TTN: variants seen among roughly 807,000 people sequenced by gnomAD.
The protein encoded by TTN is connectin.
TTN carries 1,525 observed loss-of-function variants against 3,223.0 expected under a neutral mutation model. The ratio of observed to expected loss-of-function variants is 0.47; its 90% CI spans 0.45 to 0.49. TTN has a LOEUF of 0.49. Ranked by LOEUF, TTN falls within the 20% of genes least tolerant of loss-of-function variation. The pLI, the probability that TTN is intolerant of heterozygous loss-of-function variation, is 0.00. For missense variants in TTN, 40,786 were observed against 43,424.0 expected (o/e 0.94, Z 5.40); for synonymous variants, 14,094 against 15,161.0 (o/e 0.93, Z 5.17).
Position 178,562,051 on chromosome 2 carries a change from C to A in TTN, c.84081G>T (p.Lys28027Asn). ...VTSLSIKEAS[K>N]EDVGTYELCV... ...ATAATTCATAAGTTCCAACATCTTC[C>A]TTTGAAGCTTCCTTAATAGATAGTG... The change falls in exon 326 of 363, where the codon AAG becomes AAT. Residue 28027 changes from lysine to asparagine, a missense_variant. By Grantham distance (94) the Lys-to-Asn change is moderately conservative. Coordinates refer to ENST00000589042, the MANE Select transcript of TTN (RefSeq NM_001267550.2). The A allele has an allele frequency of 6.2e-7, 1 of 1,613,340 alleles. No individual in the cohort carries two copies. Among genetic ancestry groups the A allele is most frequent in the Non-Finnish European group, 8.5e-7 (1 of 1,179,642 alleles).
chr2:178,771,059 TG>T, intron 34 of TTN, 151 bp downstream of exon 34: 1 of 1,257,920 alleles, frequency 7.9e-7, no homozygotes, highest in Non-Finnish European at 1.1e-6. Flanking sequence ...TTGTACCTTG[TG>T]GAATGTGTCT....
chr2:178,699,129 A>G (rs953605620), intron 111 of TTN, among the ~76,000 whole-genome samples: 1 of 151,968 alleles, frequency 6.6e-6, no homozygotes. Flanking sequence ...ATGTACTGTG[A>G]TCTTACATCT....
chr2:178,776,604 T>C lies in TTN; in HGVS notation c.5260A>G (p.Ile1754Val), dbSNP rs780379544. 3 of 1,614,084 alleles carry C rather than the reference T, an allele frequency of 1.9e-6. No homozygotes were observed. Among genetic ancestry groups the C allele is most frequent in the Non-Finnish European group, 2.5e-6 (3 of 1,180,012 alleles). The change falls in exon 28 of 363, where the codon ATC becomes GTC. Residue 1754 changes from isoleucine to valine, a missense_variant. Coordinates refer to ENST00000589042, the MANE Select transcript of TTN (RefSeq NM_001267550.2). ...AGGCTGCAGTACCCAAATTCATTGA[T>C]CATACGGAGCCTGTTGGCTGCTTCA... Reference protein sequence around the residue: ...PLEAANRLRMINEFGYCSLDY... With the variant: ...PLEAANRLRMVNEFGYCSLDY...
At chr2:178,750,628 CTTCTG>C in intron 47 of TTN, 4 of 1,612,742 alleles carry the variant, frequency 2.5e-6, no homozygotes, top group Non-Finnish European at 2.5e-6. Context: ...TGTTTTCTTC[CTTCTG>C]TTCGGTTTTG....
rs188482293 is a variant in TTN, at chr2:178,682,745, C to T, written c.33046G>A (p.Glu11016Lys). The change falls in exon 135 of 363, where the codon GAG becomes AAG. Residue 11016 changes from glutamate (E) to lysine (K), a missense_variant. Transcript: ENST00000589042. ...TCATATCGTTCATACTCCCGCTCCT[C>T]GTATTCTTCATATTGGTCATATTCT... ...TEEYDQYEEYEEREYERYEEH... is the reference protein window; with the variant it reads ...TEEYDQYEEYKEREYERYEEH... 17 of 1,612,966 alleles carry T rather than the reference C, an allele frequency of 1.1e-5. No individual in the cohort carries two copies. The highest frequency in any genetic ancestry group is 6.7e-5 in the Admixed American group (4 of 59,974).
In TTN at chr2:178,807,279, T is replaced by C. The variant is rs1350423101; in HGVS notation, c.-81A>G. 6.6e-6 allele frequency: 1 copy of C among 152,184 alleles called. No homozygotes were observed. Among genetic ancestry groups the C allele is most frequent in the African/African-American group, 2.4e-5 (1 of 41,450 alleles). 9.4% of individuals were successfully genotyped at this position (152,184 alleles called of 1,614,324 possible). On this transcript the variant is annotated 5_prime_UTR_variant, in exon 1 of 363. Transcript: ENST00000589042. Reference sequence around the variant, plus strand: ...AGGTTGCTTCTGAAACGACGTCCTATGGAGAGTTGGTTTTTCTGACCATCT... The same window carrying C: ...AGGTTGCTTCTGAAACGACGTCCTACGGAGAGTTGGTTTTTCTGACCATCT...
Position 178,537,510 on chromosome 2 carries a change from C to T in TTN, c.99697G>A (p.Gly33233Ser), listed in dbSNP as rs1479703303. 4 of 1,613,680 alleles carry T rather than the reference C, an allele frequency of 2.5e-6. No homozygotes were observed. The highest frequency in any genetic ancestry group is 1.3e-5 in the African/African-American group (1 of 74,990). The change falls in exon 355 of 363, where the codon GGT becomes AGT. Residue 33233 changes from glycine to serine, a missense_variant. Transcript: ENST00000589042. ...TCTGAGTTTTGCAAAAGTTTCTGACCATGGAACCAAGTCATGGCAGGTACT... is the reference window on the plus strand; with the variant it reads ...TCTGAGTTTTGCAAAAGTTTCTGACTATGGAACCAAGTCATGGCAGGTACT... ...RPVPAMTWFH[G>S]QKLLQNSENI...
intron 335 of TTN, 86 bp downstream of exon 335, chr2:178,551,544 T>A: frequency 1.7e-6 from 2 of 1,144,770 alleles, no homozygotes; most frequent in East Asian, 2.6e-5. Flanking sequence ...AAGAAGGTGA[T>A]GCAGAGAAGA....
intron 48 of TTN, among the ~76,000 whole-genome samples, chr2:178,738,937 C>T (rs914654259): frequency 1.3e-5 from 2 of 151,908 alleles, no homozygotes; most frequent in Admixed American, 1.3e-4. Context: ...ATAAATAGTA[C>T]CATGGATATG....
Position 178,609,574 on chromosome 2 carries a change from T to C in TTN, c.51740-4A>G, listed in dbSNP as rs774875894. 6.3e-7 allele frequency: 1 copy of C among 1,594,574 alleles called. No homozygotes were observed. The highest frequency in any genetic ancestry group is 1.1e-5 in the South Asian group (1 of 87,672). Reference sequence around the variant, plus strand: ...CTCAGAATGACTTTGGGGGCATCTATAGTGATCATAACCAATAAATGTTTT... The same window carrying C: ...CTCAGAATGACTTTGGGGGCATCTACAGTGATCATAACCAATAAATGTTTT... On this transcript the variant is annotated splice_polypyrimidine_tract_variant and splice_region_variant and intron_variant, in intron 272 of 362. Coordinates refer to ENST00000589042, the MANE Select transcript of TTN (RefSeq NM_001267550.2).
chr2:178,618,662 C>G lies in TTN; in HGVS notation c.46888G>C (p.Gly15630Arg). ...ACAATTTTATACCTCCCTTTGTCTC[C>G]TTTCTTGGCTTCTAAAATTCTGAAA... ...TSFRILEAKK[G>R]DKGRYKIVLQ... The change falls in exon 251 of 363, where the codon GGA becomes CGA. Residue 15630 changes from glycine to arginine, a missense_variant. Gly to Arg is a moderately radical substitution (Grantham distance 125). Coordinates refer to ENST00000589042, the MANE Select transcript of TTN (RefSeq NM_001267550.2). The G allele has an allele frequency of 6.2e-7, 1 of 1,612,314 alleles. No homozygotes were observed. Among genetic ancestry groups the G allele is most frequent in the Non-Finnish European group, 8.5e-7 (1 of 1,178,998 alleles).
In TTN at chr2:178,548,827, C is replaced by A; in HGVS notation, c.92799G>T (p.Gln30933His). The part of the protein sequence containing the change: ...PELDIDANFK[Q>H]THVVRAGASI... ...TGGCCCCAGCTCTAACAACATGAGT[C>A]TGTTTGAAGTTTGCATCTATGTCTA... The change falls in exon 339 of 363, where the codon CAG (glutamine) becomes CAT (histidine). Residue 30933 changes from glutamine (Q) to histidine (H), a missense_variant. By Grantham distance (24) the Gln-to-His change is conservative. Transcript: ENST00000589042. This position sits in a 1 kb window ranked among gnomAD's most constrained non-coding sequence, Gnocchi z 4.3. The A allele has an allele frequency of 6.2e-7, 1 of 1,612,966 alleles. No homozygotes were observed. Among genetic ancestry groups the A allele is most frequent in the Non-Finnish European group, 8.5e-7 (1 of 1,179,802 alleles).
In TTN at chr2:178,589,822, T is replaced by C. The variant is rs2049831678; in HGVS notation, c.61903A>G (p.Asn20635Asp). ...KRLIKANLLA[N>D]NEYYFRVCAE... is the part of the protein sequence containing the mutation. ...CAAACTCGGAAATAGTATTCATTGT[T>C]GGCTAAAAGGTTGGCCTTGATTAAT... The change falls in exon 304 of 363, where the codon AAC becomes GAC. Residue 20635 changes from asparagine to aspartate, a missense_variant. Transcript: ENST00000589042. 6.2e-7 allele frequency: 1 copy of C among 1,613,574 alleles called. No homozygotes were observed. Among genetic ancestry groups the C allele is most frequent in the African/African-American group, 1.3e-5 (1 of 75,032 alleles).
At chr2:178,768,591 A>G (rs1336461248) in intron 38 of TTN, 82 bp downstream of exon 38, 5 of 1,590,510 alleles carry the variant, frequency 3.1e-6, no homozygotes, top group Non-Finnish European at 4.3e-6. Flanking sequence ...CATTTTATTT[A>G]TCCATTCATT....
At chr2:178,803,236 T>C (rs930354961) in intron 2 of TTN, among the ~76,000 whole-genome samples, 1 of 152,178 alleles carries the variant, frequency 6.6e-6, no homozygotes, top group African/African-American at 2.4e-5. Flanking sequence ...TTTATTGGAC[T>C]GATTTATGGG....
rs757449791 is a variant in TTN at position 178,717,129 on chromosome 2, T to C, written c.25605A>G (p.Gly8535=). ...QYTCYASNIA[G]KDSCSAQLGV... ...CCAGCTGAGCAGAACAAGAGTCTTT[T>C]CCAGCGATGTTGCTTGCATAGCAGG... Residue 8535 remains glycine, a synonymous_variant, in exon 88 of 363, where the codon GGA becomes GGG. Coordinates refer to ENST00000589042, the MANE Select transcript of TTN (RefSeq NM_001267550.2). 1 of 1,613,320 alleles carries C rather than the reference T, an allele frequency of 6.2e-7. No individual in the cohort carries two copies. Among genetic ancestry groups the C allele is most frequent in the Non-Finnish European group, 8.5e-7 (1 of 1,179,458 alleles).
At position 178,561,757 on chromosome 2, in the gene TTN, A is replaced by G. The variant is rs889277495; in HGVS notation, c.84375T>C (p.Tyr28125=). The G allele has an allele frequency of 1.2e-6, 2 of 1,613,470 alleles. No homozygotes were observed. Among genetic ancestry groups the G allele is most frequent in the African/African-American group, 1.3e-5 (1 of 74,900 alleles). Residue 28125 remains tyrosine, a synonymous_variant, in exon 326 of 363, where the codon TAT becomes TAC. Coordinates refer to ENST00000589042, the MANE Select transcript of TTN (RefSeq NM_001267550.2). Reference sequence around the variant, plus strand: ...GGTTTTCTGCACAAACACGGAACTGATACTCACTTCCTGTTGTCAGGCGAA... The same window carrying G: ...GGTTTTCTGCACAAACACGGAACTGGTACTCACTTCCTGTTGTCAGGCGAA... ...KIVRLTTGSE[Y]QFRVCAENRY...
At chr2:178,618,547 G>A (rs780621283) in intron 251 of TTN, 37 bp downstream of exon 251, 7 of 1,607,550 alleles carry the variant, frequency 4.4e-6, no homozygotes, top group Admixed American at 3.4e-5. Flanking sequence ...TTTAAATTGT[G>A]CTTTGCCAAT....
At chr2:178,604,409 AAT>A in intron 281 of TTN, 104 bp from the exon 282 acceptor site, 1 of 978,138 alleles carries the variant, frequency 1.0e-6, no homozygotes, top group Non-Finnish European at 1.4e-6. Flanking sequence ...TGTAAGAAGA[AAT>A]AAATATATAG....
Sources: allele counts gnomAD v4.1 joint callset (sites outside exome capture counted in the v4.1 genomes callset), GRCh38; gene constraint gnomAD v4.1.1; non-coding constraint Gnocchi (gnomAD v3.1); transcripts MANE v1.5; gene names NCBI Gene and HGNC (gene_info 2026-07-23, HGNC 2026-07-21).